The following SLAIN2 variants were observed in gnomAD, a reference collection of about 807,000 sequenced individuals.
SLAIN2 encodes SLAIN motif-containing protein 2.
SLAIN2 carries 31 observed loss-of-function variants against 56.6 expected under a neutral mutation model. The ratio of observed to expected loss-of-function variants is 0.55; its 90% CI spans 0.41 to 0.74. SLAIN2 has a LOEUF of 0.74. SLAIN2 is among the 30% of genes least tolerant of loss of function. SLAIN2 has a pLI of 0.00. For synonymous variants in SLAIN2, 317 were observed against 284.9 expected (o/e 1.11, Z -1.13); for missense variants, 777 against 754.2 (o/e 1.03, Z -0.35).
In SLAIN2 at chr4:48,369,881, C is replaced by A; in HGVS notation, c.422C>A (p.Pro141Gln). The A allele has an allele frequency of 6.2e-7, 1 of 1,613,446 alleles. No homozygotes were observed. The highest frequency in any genetic ancestry group is 8.5e-7 in the Non-Finnish European group (1 of 1,179,612). The change falls in exon 2 of 8, where the codon CCA becomes CAA. Residue 141 changes from proline to glutamine, a missense_variant. Pro to Gln is a moderately conservative substitution (Grantham distance 76). Transcript: ENST00000264313. The part of the protein sequence containing the change: ...LYSSPKKKLT[P>Q]MQKSVSPLVW... ...TCATCACCAAAGAAAAAACTTACAC[C>A]AATGCAGAAATCGGTTAGTCCATTA...
intron 6 of SLAIN2, among the ~76,000 whole-genome samples, chr4:48,406,525 C>CT (rs34797619): frequency 0.043 from 5,864 of 135,006 alleles, 193 homozygotes; most frequent in Non-Finnish European, 0.065. Flanking sequence ...CTCTCTCTCT[C>CT]TTTTTTTTTT....
At chr4:48,383,898 A>G (rs1284167009) in intron 6 of SLAIN2, 114 bp downstream of exon 6, 11 of 1,139,580 alleles carry the variant, frequency 9.7e-6, no homozygotes, top group Admixed American at 2.7e-5. Flanking sequence ...GTTTTAAACC[A>G]TAGCTATAGT....
At position 48,386,136 on chromosome 4, in the gene SLAIN2, A is replaced by G. The variant is rs536912879; in HGVS notation, c.1360+2352A>G. ...CTACGAAAAAACTATATTTGAATCA[A>G]AATGACTTCTGTGATATATTGACAA... On this transcript the variant is annotated intron_variant, in intron 6 of 7. Transcript: ENST00000264313. Among the ~76,000 whole-genome samples the G allele has an allele frequency of 3.9e-5, 6 of 151,988 alleles. 1 individual carries two copies. Among genetic ancestry groups the G allele is most frequent in the African/African-American group, 1.4e-4 (6 of 41,494 alleles).
Position 48,377,901 on chromosome 4 carries a change from A to C in SLAIN2, c.544A>C (p.Lys182Gln). Residue 182 changes from lysine (K) to glutamine (Q), a missense_variant, in exon 3 of 8, where the codon AAG becomes CAG. Lys to Gln is a moderately conservative substitution (Grantham distance 53). Transcript: ENST00000264313. ...TCCCCTTCTCATTAATGCAGCTCTCAAGAGGCAGAATTTATATAATAATCC... is the reference window on the plus strand; with the variant it reads ...TCCCCTTCTCATTAATGCAGCTCTCCAGAGGCAGAATTTATATAATAATCC... ...HKLDQTMSALKRQNLYNNPFN... is the reference protein window; with the variant it reads ...HKLDQTMSALQRQNLYNNPFN... The C allele has an allele frequency of 6.2e-7, 1 of 1,613,114 alleles. No homozygotes were observed. The highest frequency in any genetic ancestry group is 8.5e-7 in the Non-Finnish European group (1 of 1,179,668).
intron 6 of SLAIN2, among the ~76,000 whole-genome samples, chr4:48,405,987 C>CA (rs1716683095): frequency 1.3e-5 from 2 of 152,132 alleles, no homozygotes; most frequent in African/African-American, 2.4e-5. Context: ...TAATACATTT[C>CA]AGGTCATTCT....
chr4:48,394,391 C>T (rs1047732365), intron 6 of SLAIN2, among the ~76,000 whole-genome samples: 7 of 152,172 alleles, frequency 4.6e-5, no homozygotes, highest in African/African-American at 1.2e-4. Context: ...CCTTTTCTTT[C>T]CAACTTAATG....
At chr4:48,342,231 G>A in intron 1 of SLAIN2, 103 bp downstream of exon 1, 1 of 1,290,610 alleles carries the variant, frequency 7.7e-7, no homozygotes, top group South Asian at 2.1e-5. Flanking sequence ...TGTGTAGCCG[G>A]GTCCGCTCTC....
In SLAIN2 at chr4:48,411,933, C is replaced by G. The variant is rs556217822; in HGVS notation, c.1361-8192C>G. Among the ~76,000 whole-genome samples, 6 of 152,254 alleles carry G rather than the reference C, an allele frequency of 3.9e-5. 1 individual carries two copies. The highest frequency in any genetic ancestry group is 1.4e-4 in the African/African-American group (6 of 41,544). Reference sequence around the variant, plus strand: ...GGGCCTCATGGAGATACTCCATCACCTGGTTTTATTGTAGCTATTGTAAAT... The same window carrying G: ...GGGCCTCATGGAGATACTCCATCACGTGGTTTTATTGTAGCTATTGTAAAT... On this transcript the variant is annotated intron_variant, in intron 6 of 7. Coordinates refer to ENST00000264313, the MANE Select transcript of SLAIN2 (RefSeq NM_020846.2).
intron 1 of SLAIN2, among the ~76,000 whole-genome samples, chr4:48,344,199 C>A (rs1251765633): frequency 6.6e-6 from 1 of 152,042 alleles, no homozygotes; most frequent in Non-Finnish European, 1.5e-5. Context: ...TATAGGTGTC[C>A]TATACTTTTT....
intron 6 of SLAIN2, among the ~76,000 whole-genome samples, chr4:48,393,842 A>T (rs1346282507): frequency 6.6e-6 from 1 of 152,064 alleles, no homozygotes; most frequent in Admixed American, 6.6e-5. Flanking sequence ...TTACCTGTTA[A>T]TTTTGAGTTT....
rs1421139355 is a variant in SLAIN2, at chr4:48,423,886, G to A, written c.*1809G>A. 1 of 152,132 alleles carries A rather than the reference G, an allele frequency of 6.6e-6. No individual in the cohort carries two copies. Among genetic ancestry groups the A allele is most frequent in the Non-Finnish European group, 1.5e-5 (1 of 68,014 alleles). 9.4% of individuals were successfully genotyped at this position (152,132 alleles called of 1,614,324 possible). A position where few individuals can be genotyped will look rare whatever the true frequency, so the allele number is the denominator to read the frequency against. On this transcript the variant is annotated 3_prime_UTR_variant, in exon 8 of 8. Coordinates refer to ENST00000264313, the MANE Select transcript of SLAIN2 (RefSeq NM_020846.2). The stretch of plus-strand genomic sequence containing the variant: ...AGGAAGATAAAGCATCTTCTTTTGG[G>A]AGGGGGGTATCTCATGTCTAAGTAA...
At position 48,422,951 on chromosome 4, in the gene SLAIN2, G is replaced by T. The variant is rs562552758; in HGVS notation, c.*874G>T. The T allele has an allele frequency of 1.3e-5, 2 of 152,214 alleles. No individual in the cohort carries two copies. Among genetic ancestry groups the T allele is most frequent in the Admixed American group, 1.3e-4 (2 of 15,264 alleles). 9.4% of individuals were successfully genotyped at this position (152,214 alleles called of 1,614,324 possible). On this transcript the variant is annotated 3_prime_UTR_variant, in exon 8 of 8. Transcript: ENST00000264313. ...CTAAGAGATCTTGTTTCTATTAGCA[G>T]GTTTTCATGATAGGAAAGAACAAGT... is the stretch of plus-strand genomic sequence containing the variant.
intron 6 of SLAIN2, among the ~76,000 whole-genome samples, chr4:48,386,832 A>T (rs1716114039): frequency 6.6e-6 from 1 of 152,122 alleles, no homozygotes; most frequent in Non-Finnish European, 1.5e-5. Context: ...TTTTCCCCTG[A>T]CACATTTGGC....
At chr4:48,360,447 C>T (rs930642707) in intron 1 of SLAIN2, among the ~76,000 whole-genome samples, 1 of 151,718 alleles carries the variant, frequency 6.6e-6, no homozygotes, top group Non-Finnish European at 1.5e-5. Context: ...AAACATTAGC[C>T]AGCATGGTGG....
In SLAIN2 at chr4:48,422,320, A is replaced by G. The variant is rs1327265128; in HGVS notation, c.*243A>G. On this transcript the variant is annotated 3_prime_UTR_variant, in exon 8 of 8. Transcript: ENST00000264313. ...ATAGAATCACTTTTAGTTTTGTTTA[A>G]TAGAAACTAGGTTGATTTTTAAAAA... The G allele has an allele frequency of 5.3e-6, 2 of 374,116 alleles. No homozygotes were observed. The highest frequency in any genetic ancestry group is 4.8e-6 in the Non-Finnish European group (1 of 207,404). The allele number at this position is 374,116 out of a possible 1,614,324, so 23.2% of individuals were successfully genotyped here. A position where few individuals can be genotyped will look rare whatever the true frequency, so the allele number is the denominator to read the frequency against.
chr4:48,398,626 G>A (rs1489449117), intron 6 of SLAIN2, among the ~76,000 whole-genome samples: 1 of 152,004 alleles, frequency 6.6e-6, no homozygotes. Context: ...TTTATAGTTT[G>A]GGGTTTTACA....
chr4:48,419,384 G>A (rs114125004), intron 6 of SLAIN2, among the ~76,000 whole-genome samples: 7,790 of 152,238 alleles, frequency 0.051, 302 homozygotes, highest in African/African-American at 0.11. Flanking sequence ...GATTACAGGT[G>A]TGAGTTACCA....
At chr4:48,398,197 T>C (rs1716458898) in intron 6 of SLAIN2, among the ~76,000 whole-genome samples, 1 of 152,168 alleles carries the variant, frequency 6.6e-6, no homozygotes, top group South Asian at 2.1e-4. Context: ...TTCTGACTGG[T>C]GTGAGATGGT....
chr4:48,366,299 G>C (rs1286418472), intron 1 of SLAIN2, among the ~76,000 whole-genome samples: 2 of 152,134 alleles, frequency 1.3e-5, no homozygotes, highest in Non-Finnish European at 2.9e-5. Flanking sequence ...CTGTTGGATG[G>C]AGTGTCCCAT....
Sources: allele counts gnomAD v4.1 joint callset (sites outside exome capture counted in the v4.1 genomes callset), GRCh38; gene constraint gnomAD v4.1.1; transcripts MANE v1.5; gene names NCBI Gene and HGNC (gene_info 2026-07-23, HGNC 2026-07-21).